Variants in SLAMF7 observed in about 807,000 individuals in gnomAD.
SLAMF7 encodes SLAM family member 7, also known as 19A24 protein.
Under a neutral mutation model 34.1 loss-of-function variants are expected in SLAMF7, and 26 were observed. The ratio of observed to expected loss-of-function variants is 0.76; its 90% CI spans 0.56 to 1.06. The LOEUF (loss-of-function observed/expected upper bound fraction) is 1.06. Ranked by LOEUF, SLAMF7 falls within the 50% of genes least tolerant of loss-of-function variation. SLAMF7 has a pLI of 0.00. For missense variants in SLAMF7, 399 were observed against 402.5 expected, an observed-to-expected ratio of 0.99 and a Z score of 0.07; for synonymous variants, 171 against 156.4, an observed-to-expected ratio of 1.09 and a Z score of -0.70.
At chr1:160,752,364 C>T (rs1248140581) in intron 6 of SLAMF7, 116 bp downstream of exon 6, 9 of 715,924 alleles carry the variant, frequency 1.3e-5, no homozygotes, top group Middle Eastern at 3.9e-4. Flanking sequence ...TTAAAAAGTA[C>T]CCTAGTAGTT....
intron 1 of SLAMF7, among the ~76,000 whole-genome samples, chr1:160,746,366 A>G (rs904858276): frequency 1.3e-5 from 2 of 152,246 alleles, no homozygotes; most frequent in African/African-American, 4.8e-5. Flanking sequence ...TTGCAGTAGC[A>G]TCATTAGAAC....
At position 160,752,168 on chromosome 1, in the gene SLAMF7, G is replaced by T; in HGVS notation, c.874-18G>T. ...AGGTGGGTGATGATTTCTTTTGTTT[G>T]TTGTTTGTTTTTAAAAGAGAACAAT... On this transcript the variant is annotated intron_variant, in intron 5 of 6. Transcript: ENST00000368043. 1 of 1,605,208 alleles carries T rather than the reference G, an allele frequency of 6.2e-7. No homozygotes were observed. Among genetic ancestry groups the T allele is most frequent in the Non-Finnish European group, 8.5e-7 (1 of 1,172,800 alleles).
At chr1:160,748,131 G>A (rs1664276476) in intron 1 of SLAMF7, 63 bp from the exon 2 acceptor site, 1 of 1,537,434 alleles carries the variant, frequency 6.5e-7, no homozygotes, top group Non-Finnish European at 8.8e-7. Flanking sequence ...GACCCAAAGG[G>A]GGTGAGTAAT....
chr1:160,742,348 C>T lies in SLAMF7; in HGVS notation c.55+2992C>T, dbSNP rs528566121. Among the ~76,000 whole-genome samples, 10 of 152,284 alleles carry T rather than the reference C, an allele frequency of 6.6e-5. No individual in the cohort carries two copies. In the East Asian group the frequency reaches 1.9e-3, roughly 29 times the overall value. ...CCCCAGCTCCCTCCACCTTCAAAGG[C>T]AGGCGGGGGATGTAGTGGGGAATGC... On this transcript the variant is annotated intron_variant, in intron 1 of 6. Coordinates refer to ENST00000368043, the MANE Select transcript of SLAMF7 (RefSeq NM_021181.5).
At chr1:160,739,499 C>A in intron 1 of SLAMF7, 143 bp downstream of exon 1, 1 of 689,284 alleles carries the variant, frequency 1.5e-6, no homozygotes, top group Non-Finnish European at 2.5e-6. Flanking sequence ...AATCTCTGAT[C>A]TCTGATTCTC....
chr1:160,747,594 C>T (rs1664233298), intron 1 of SLAMF7, among the ~76,000 whole-genome samples: 1 of 152,146 alleles, frequency 6.6e-6, no homozygotes, highest in Admixed American at 6.5e-5. Context: ...GAAAGACAAT[C>T]ACTCTGAGGC....
In SLAMF7 at chr1:160,749,994, T is replaced by C. The variant is rs141021747; in HGVS notation, c.550T>C (p.Trp184Arg). The C allele has an allele frequency of 6.2e-7, 1 of 1,613,964 alleles. No individual in the cohort carries two copies. Among genetic ancestry groups the C allele is most frequent in the African/African-American group, 1.3e-5 (1 of 74,910 alleles). The change falls in exon 3 of 7, where the codon TGG becomes CGG. Residue 184 changes from tryptophan (W) to arginine (R), a missense_variant. Coordinates refer to ENST00000368043, the MANE Select transcript of SLAMF7 (RefSeq NM_021181.5). ...TAATGGGTCCATCCTCCCCATCTCCTGGAGATGGGGAGAAAGTGATATGAC... is the reference window on the plus strand; with the variant it reads ...TAATGGGTCCATCCTCCCCATCTCCCGGAGATGGGGAGAAAGTGATATGAC... ...SHNGSILPIS[W>R]RWGESDMTFI...
intron 6 of SLAMF7, 27 bp downstream of exon 6, chr1:160,752,275 T>C (rs576723520): frequency 9.6e-6 from 15 of 1,566,078 alleles, no homozygotes; most frequent in Non-Finnish European, 1.3e-5. Flanking sequence ...CTTAACTTCA[T>C]CTTAATGGTT....
intron 1 of SLAMF7, among the ~76,000 whole-genome samples, chr1:160,744,188 TCA>T (rs1487053695): frequency 1.3e-5 from 2 of 152,178 alleles, no homozygotes; most frequent in African/African-American, 4.8e-5. Context: ...CTCTATAGGG[TCA>T]CACACTGCAG....
At position 160,748,372 on chromosome 1, in the gene SLAMF7, G is replaced by A; in HGVS notation, c.234G>A (p.Arg78=). 1 of 1,614,034 alleles carries A rather than the reference G, an allele frequency of 6.2e-7. No individual in the cohort carries two copies. Among genetic ancestry groups the A allele is most frequent in the Non-Finnish European group, 8.5e-7 (1 of 1,179,974 alleles). Reference sequence around the variant, plus strand: ...TCATAGTGACCCAAAATCGTAATAGGGAGAGAGTAGACTTCCCAGATGGAG... The same window carrying A: ...TCATAGTGACCCAAAATCGTAATAGAGAGAGAGTAGACTTCCCAGATGGAG... The part of the protein sequence containing the change: ...GTIIVTQNRN[R]ERVDFPDGGY... The change falls in exon 2 of 7, where the codon AGG becomes AGA. Residue 78 remains arginine, a synonymous_variant. Transcript: ENST00000368043.
intron 6 of SLAMF7, among the ~76,000 whole-genome samples, chr1:160,752,488 C>T (rs183813013): frequency 9.9e-5 from 15 of 152,082 alleles, no homozygotes; most frequent in East Asian, 1.9e-4. Context: ...GGTTCTAGAT[C>T]GGAATAATAA....
At position 160,749,963 on chromosome 1, in the gene SLAMF7, G is replaced by A. The variant is rs1331759242; in HGVS notation, c.519G>A (p.Glu173=). Residue 173 remains glutamate (E), a synonymous_variant, in exon 3 of 7, where the codon GAG becomes GAA. Transcript: ENST00000368043. ...TWKALGQAAN[E]SHNGSILPIS... is the part of the protein sequence containing the mutation. ...AGGCCCTGGGGCAAGCAGCCAATGA[G>A]TCCCATAATGGGTCCATCCTCCCCA... is the stretch of plus-strand genomic sequence containing the variant. 10 of 1,614,018 alleles carry A rather than the reference G, an allele frequency of 6.2e-6. No individual in the cohort carries two copies. Among genetic ancestry groups the A allele is most frequent in the African/African-American group, 2.7e-5 (2 of 74,906 alleles).
rs34005665 is a variant in SLAMF7 at position 160,752,242 on chromosome 1, G to A, written c.930G>A (p.Pro310=). The change falls in exon 6 of 7, where the codon CCG becomes CCA. Residue 310 remains proline (P), a synonymous_variant. Coordinates refer to ENST00000368043, the MANE Select transcript of SLAMF7 (RefSeq NM_021181.5). ...ANTVYSTVEI[P]KKMENPHSLL... ...CGGTTTACTCCACTGTGGAAATACCGAAAAAGGTAAGAAGCTTTAGAGCTT... is the reference window on the plus strand; with the variant it reads ...CGGTTTACTCCACTGTGGAAATACCAAAAAAGGTAAGAAGCTTTAGAGCTT... 832 of 1,610,906 alleles carry A rather than the reference G, an allele frequency of 5.2e-4. 2 individuals are homozygous for A. The African/African-American group carries it at 8.0e-3, about 16-fold the overall frequency.
chr1:160,748,542 T>C (rs1300700407), intron 2 of SLAMF7, 28 bp downstream of exon 2: 2 of 1,583,036 alleles, frequency 1.3e-6, no homozygotes. Flanking sequence ...CAATGGTGGA[T>C]GGCTGCCTTG....
chr1:160,752,564 T>A (rs1340154979), intron 6 of SLAMF7, among the ~76,000 whole-genome samples: 1 of 152,178 alleles, frequency 6.6e-6, no homozygotes, highest in Non-Finnish European at 1.5e-5. Flanking sequence ...AGATTGTGCA[T>A]GGAATGAAGA....
At chr1:160,750,893 C>T (rs1387095166) in intron 4 of SLAMF7, 6 of 234,318 alleles carry the variant, frequency 2.6e-5, no homozygotes, top group Non-Finnish European at 5.1e-5. Flanking sequence ...GCCCACTAGA[C>T]ACATGGCTCC....
Position 160,750,066 on chromosome 1 carries a change from C to A in SLAMF7, c.622C>A (p.Pro208Thr), listed in dbSNP as rs1381579678. The stretch of plus-strand genomic sequence containing the variant: ...CCCTGTCAGCAGAAACTTCTCAAGC[C>A]CCATCCTTGCCAGGAAGCTCTGTGA... ...RNPVSRNFSS[P>T]ILARKLCEGA... is the part of the protein sequence containing the mutation. The change falls in exon 3 of 7, where the codon CCC (proline) becomes ACC (threonine). Residue 208 changes from proline to threonine, a missense_variant. Physicochemically the swap from Pro to Thr is conservative, Grantham distance 38. Transcript: ENST00000368043. 6.2e-7 allele frequency: 1 copy of A among 1,614,074 alleles called. No homozygotes were observed. Among genetic ancestry groups the A allele is most frequent in the Non-Finnish European group, 8.5e-7 (1 of 1,179,972 alleles).
intron 1 of SLAMF7, among the ~76,000 whole-genome samples, chr1:160,743,180 A>G (rs933598802): frequency 6.6e-6 from 1 of 152,210 alleles, no homozygotes; most frequent in Non-Finnish European, 1.5e-5. Flanking sequence ...TGGAGAATTT[A>G]AAGTGTCAAT....
intron 1 of SLAMF7, among the ~76,000 whole-genome samples, chr1:160,741,764 T>TG (rs1663763781): frequency 6.6e-6 from 1 of 152,134 alleles, no homozygotes; most frequent in Non-Finnish European, 1.5e-5. Flanking sequence ...GGTGGCGCCA[T>TG]GGGGCACAGT....
Sources: allele counts gnomAD v4.1 joint callset (sites outside exome capture counted in the v4.1 genomes callset), GRCh38; gene constraint gnomAD v4.1.1; transcripts MANE v1.5; gene names NCBI Gene and HGNC (gene_info 2026-07-23, HGNC 2026-07-21).